Variants in PDLIM5 observed in about 807,000 individuals in gnomAD.
The protein encoded by PDLIM5 is PDZ and LIM domain 5.
In PDLIM5, 34 loss-of-function variants were observed where a neutral mutation model predicts 64.2. That is an observed-to-expected ratio of 0.53 (90% confidence interval 0.40 to 0.71). The LOEUF (loss-of-function observed/expected upper bound fraction) is 0.71. Ranked by LOEUF, PDLIM5 falls within the 30% of genes least tolerant of loss-of-function variation. The pLI is 0.00. For missense variants in PDLIM5, 683 were observed against 733.6 expected (o/e 0.93, Z 0.80); for synonymous variants, 253 against 269.1 (o/e 0.94, Z 0.59).
At chr4:94,535,546 T>C (rs1731245306) in intron 3 of PDLIM5, among the ~76,000 whole-genome samples, 1 of 152,164 alleles carries the variant, frequency 6.6e-6, no homozygotes, top group Non-Finnish European at 1.5e-5. Context: ...TGCCTGAACC[T>C]CCCACTTTCA....
At position 94,575,749 on chromosome 4, in the gene PDLIM5, C is replaced by A. The variant is rs776676923; in HGVS notation, c.425C>A (p.Ser142Tyr). The A allele has an allele frequency of 1.8e-5, 29 of 1,614,036 alleles. No homozygotes were observed. The highest frequency in any genetic ancestry group is 2.5e-5 in the Non-Finnish European group (29 of 1,180,022). ...TCTGTGTCTTCACCAAAAGTCACAT[C>A]CATCCCATCACCATCGTCTGCCTTC... ...FGSVSSPKVT[S>Y]IPSPSSAFTP... The change falls in exon 5 of 13, where the codon TCC becomes TAC. Residue 142 changes from serine to tyrosine, a missense_variant. By Grantham distance (144) the Ser-to-Tyr change is moderately radical. Coordinates refer to ENST00000317968, the MANE Select transcript of PDLIM5 (RefSeq NM_006457.5).
At chr4:94,543,916 A>C (rs1732073504) in intron 3 of PDLIM5, among the ~76,000 whole-genome samples, 2 of 150,690 alleles carry the variant, frequency 1.3e-5, no homozygotes, top group Non-Finnish European at 2.9e-5. Flanking sequence ...CAGTATGCTG[A>C]CTTCATTTCC....
chr4:94,467,979 G>A (rs1279492293), intron 2 of PDLIM5, among the ~76,000 whole-genome samples: 1 of 152,158 alleles, frequency 6.6e-6, no homozygotes, highest in Non-Finnish European at 1.5e-5. Context: ...AGTAGTTTAG[G>A]TTTTAATTGT....
At chr4:94,597,888 G>A (rs984138356) in intron 7 of PDLIM5, among the ~76,000 whole-genome samples, 1 of 152,154 alleles carries the variant, frequency 6.6e-6, no homozygotes, top group Non-Finnish European at 1.5e-5. Context: ...ACTGAGAAGA[G>A]GAGGGCAGAA....
At chr4:94,574,792 T>A (rs1163524687) in intron 4 of PDLIM5, among the ~76,000 whole-genome samples, 1 of 152,092 alleles carries the variant, frequency 6.6e-6, no homozygotes, top group Non-Finnish European at 1.5e-5. Context: ...GAATTGACCT[T>A]TCTTACTAGT....
At chr4:94,547,945 C>A (rs550062418) in intron 3 of PDLIM5, among the ~76,000 whole-genome samples, 1 of 152,128 alleles carries the variant, frequency 6.6e-6, no homozygotes, top group Non-Finnish European at 1.5e-5. Flanking sequence ...CTGGTAAGTA[C>A]AGTCCTATTA....
intron 8 of PDLIM5, among the ~76,000 whole-genome samples, chr4:94,632,365 ATGT>A (rs1044942074): frequency 2.6e-5 from 4 of 152,238 alleles, no homozygotes; most frequent in African/African-American, 9.6e-5. Flanking sequence ...GTACCTTGAA[ATGT>A]TGTTGTAAAG....
intron 3 of PDLIM5, among the ~76,000 whole-genome samples, chr4:94,535,588 A>G (rs939908341): frequency 2.6e-5 from 4 of 152,096 alleles, no homozygotes; most frequent in Non-Finnish European, 4.4e-5. Flanking sequence ...GCCTTTGTAT[A>G]TATGTCTCAA....
intron 8 of PDLIM5, among the ~76,000 whole-genome samples, chr4:94,633,860 A>AC (rs1740348780): frequency 6.6e-6 from 1 of 152,194 alleles, no homozygotes; most frequent in Non-Finnish European, 1.5e-5. Context: ...CAGGAAAGCT[A>AC]CATTGATAAT....
At chr4:94,479,749 T>C (rs1452327840) in intron 2 of PDLIM5, among the ~76,000 whole-genome samples, 1 of 152,210 alleles carries the variant, frequency 6.6e-6, no homozygotes, top group South Asian at 2.1e-4. Flanking sequence ...TATTCTATCA[T>C]ATCTTGTGTT....
intron 3 of PDLIM5, among the ~76,000 whole-genome samples, chr4:94,543,778 CTGTGTG>C (rs60929032): frequency 0.14 from 18,863 of 131,614 alleles, 1,590 homozygotes; most frequent in Admixed American, 0.25. Flanking sequence ...TAGTATTCCA[CTGTGTG>C]TGTGTGTGTG....
At chr4:94,528,545 TA>T (rs1730578280) in intron 3 of PDLIM5, among the ~76,000 whole-genome samples, 1 of 152,202 alleles carries the variant, frequency 6.6e-6, no homozygotes, top group African/African-American at 2.4e-5. Flanking sequence ...GCATCTTGTA[TA>T]GTAGTCTGTT....
At position 94,668,061 on chromosome 4, in the gene PDLIM5, C is replaced by T. The variant is rs997447032; in HGVS notation, c.*3994C>T. On this transcript the variant is annotated 3_prime_UTR_variant, in exon 13 of 13. Transcript: ENST00000317968. ...TTTGGATTCTCAATGTATAAGTTGC[C>T]TTATCTGTTAATGTCTATCTTCTGT... The T allele has an allele frequency of 2.0e-5, 3 of 152,096 alleles. No individual in the cohort carries two copies. The East Asian group carries it at 5.8e-4, about 29-fold the overall frequency. 9.4% of individuals were successfully genotyped at this position (152,096 alleles called of 1,614,324 possible).
chr4:94,643,048 T>A (rs1327201962), intron 9 of PDLIM5, among the ~76,000 whole-genome samples: 1 of 152,176 alleles, frequency 6.6e-6, no homozygotes, highest in African/African-American at 2.4e-5. Context: ...ACATTTTATG[T>A]TTTATTTTAT....
chr4:94,476,769 G>T (rs1725361340), intron 2 of PDLIM5, among the ~76,000 whole-genome samples: 1 of 152,206 alleles, frequency 6.6e-6, no homozygotes, highest in Admixed American at 6.5e-5. Flanking sequence ...GGACTCTGGA[G>T]CCAGCCATCG....
intron 4 of PDLIM5, 92 bp downstream of exon 4, chr4:94,573,485 C>A: frequency 2.0e-6 from 2 of 1,009,418 alleles, no homozygotes; most frequent in South Asian, 1.3e-5. Context: ...TACTGACATT[C>A]ATTTAATTTA....
chr4:94,656,112 T>G (rs1005506494), intron 10 of PDLIM5, among the ~76,000 whole-genome samples: 2 of 152,178 alleles, frequency 1.3e-5, no homozygotes, highest in African/African-American at 4.8e-5. Flanking sequence ...CACAAAAAAT[T>G]TAAAGAATAA....
chr4:94,523,801 A>G lies in PDLIM5; in HGVS notation c.174A>G (p.Ala58=), dbSNP rs368230269. Residue 58 remains alanine, a synonymous_variant, in exon 3 of 13, where the codon GCA becomes GCG. Transcript: ENST00000317968. ...DVVLSIDGIN[A]QGMTHLEAQN... is the part of the protein sequence containing the mutation. ...TTCTCAGCATTGATGGAATAAATGC[A>G]CAAGGAATGACTCATCTTGAAGCCC... The G allele has an allele frequency of 1.2e-6, 2 of 1,610,096 alleles. No individual in the cohort carries two copies. The highest frequency in any genetic ancestry group is 1.7e-5 in the Admixed American group (1 of 60,022).
chr4:94,618,093 G>C lies in PDLIM5; in HGVS notation c.1010G>C (p.Arg337Thr), dbSNP rs1451037679. ...AGCCTGGACAGCCCAACCTCTGGCAGACCAGGGGTTACCAGCCTCACAGCT... is the reference window on the plus strand; with the variant it reads ...AGCCTGGACAGCCCAACCTCTGGCACACCAGGGGTTACCAGCCTCACAGCT... ...PESLDSPTSG[R>T]PGVTSLTAAA... The change falls in exon 8 of 13, where the codon AGA becomes ACA. Residue 337 changes from arginine to threonine, a missense_variant. Arg to Thr is a moderately conservative substitution (Grantham distance 71). Coordinates refer to ENST00000317968, the MANE Select transcript of PDLIM5 (RefSeq NM_006457.5). 4 of 1,611,724 alleles carry C rather than the reference G, an allele frequency of 2.5e-6. No homozygotes were observed. Among genetic ancestry groups the C allele is most frequent in the Non-Finnish European group, 3.4e-6 (4 of 1,178,722 alleles).
Sources: allele counts gnomAD v4.1 joint callset (sites outside exome capture counted in the v4.1 genomes callset), GRCh38; gene constraint gnomAD v4.1.1; transcripts MANE v1.5; gene names NCBI Gene and HGNC (gene_info 2026-07-23, HGNC 2026-07-21).